Variants in TNRC6B observed in about 807,000 individuals in gnomAD.
TNRC6B encodes trinucleotide repeat containing adaptor 6B.
In TNRC6B, 52 loss-of-function variants were observed where a neutral mutation model predicts 203.6. The ratio of observed to expected loss-of-function variants is 0.26; its 90% CI spans 0.20 to 0.32. The LOEUF is 0.32. TNRC6B is among the 10% of genes least tolerant of loss of function. TNRC6B has a pLI of 1.00. For synonymous variants in TNRC6B, 838 were observed against 845.7 expected, an observed-to-expected ratio of 0.99 and a Z score of 0.16; for missense variants, 1,923 against 2,286.2, an observed-to-expected ratio of 0.84 and a Z score of 3.24.
chr22:40,150,302 C>T (rs1333613966), intron 3 of TNRC6B, among the ~76,000 whole-genome samples: 6 of 152,086 alleles, frequency 3.9e-5, no homozygotes, highest in Admixed American at 1.3e-4. Flanking sequence ...GGCGTGAACC[C>T]GGAAGGCAGA....
intron 1 of TNRC6B, among the ~76,000 whole-genome samples, chr22:40,061,112 A>G (rs983140599): frequency 1.3e-5 from 2 of 152,202 alleles, no homozygotes; most frequent in African/African-American, 4.8e-5. Context: ...GTATAACTGA[A>G]TCCTTTAAAA....
intron 1 of TNRC6B, among the ~76,000 whole-genome samples, chr22:40,243,339 A>G (rs1350408960): frequency 6.6e-6 from 1 of 152,238 alleles, no homozygotes; most frequent in African/African-American, 2.4e-5. Context: ...TTCCTAAGGA[A>G]GTGAAATTTA....
intron 1 of TNRC6B, among the ~76,000 whole-genome samples, chr22:40,244,003 C>T (rs2070068930): frequency 6.6e-6 from 1 of 151,570 alleles, no homozygotes; most frequent in Admixed American, 6.6e-5. Context: ...AGGAAATACT[C>T]AGGCTGTGGT....
At chr22:40,168,324 T>C (rs1387623893) in intron 4 of TNRC6B, among the ~76,000 whole-genome samples, 1 of 152,184 alleles carries the variant, frequency 6.6e-6, no homozygotes, top group Admixed American at 6.5e-5. Flanking sequence ...CTCTGCCCTC[T>C]TAAGGGTCCA....
At chr22:40,232,434 A>G (rs1000545456) in intron 1 of TNRC6B, among the ~76,000 whole-genome samples, 1 of 152,234 alleles carries the variant, frequency 6.6e-6, no homozygotes, top group Non-Finnish European at 1.5e-5. Context: ...AATTTATTCC[A>G]TGTGTTCTGA....
intron 4 of TNRC6B, among the ~76,000 whole-genome samples, chr22:40,166,319 A>G (rs988609962): frequency 7.9e-5 from 12 of 152,234 alleles, no homozygotes; most frequent in African/African-American, 2.9e-4. Context: ...CAACTTAAAA[A>G]AATTAACAAA....
intron 11 of TNRC6B, among the ~76,000 whole-genome samples, chr22:40,283,420 A>G (rs1460259533): frequency 6.6e-6 from 1 of 152,158 alleles, no homozygotes; most frequent in East Asian, 1.9e-4. Flanking sequence ...GCCTCCCAAA[A>G]TGGTAGGATT....
In TNRC6B at chr22:40,266,558, G is replaced by C. The variant is rs777885084; in HGVS notation, c.2328G>C (p.Gly776=). The change falls in exon 5 of 23, where the codon GGG becomes GGC. Residue 776 remains glycine, a synonymous_variant. Coordinates refer to ENST00000454349, the MANE Select transcript of TNRC6B (RefSeq NM_001162501.2). ...SKPVSGWGEG[G]QNEIGTWGNG... is the part of the protein sequence containing the mutation. ...CTGTGTCTGGGTGGGGTGAAGGAGGGCAGAATGAAATCGGGACTTGGGGTA... is the reference window on the plus strand; with the variant it reads ...CTGTGTCTGGGTGGGGTGAAGGAGGCCAGAATGAAATCGGGACTTGGGGTA... 2.5e-6 allele frequency: 4 copies of C among 1,613,576 alleles called. No homozygotes were observed. In the East Asian group the frequency reaches 8.9e-5, roughly 36 times the overall value.
chr22:40,066,081 T>C (rs2067891811), intron 1 of TNRC6B, among the ~76,000 whole-genome samples: 1 of 152,102 alleles, frequency 6.6e-6, no homozygotes, highest in African/African-American at 2.4e-5. Context: ...TCCTTGGCCT[T>C]TTCAGAATCT....
intron 12 of TNRC6B, among the ~76,000 whole-genome samples, chr22:40,300,098 A>C (rs1268383492): frequency 6.6e-6 from 1 of 152,254 alleles, no homozygotes; most frequent in Non-Finnish European, 1.5e-5. Context: ...AGCTTTATGC[A>C]ATGTAGCATG....
chr22:40,270,526 G>C (rs780304912), intron 6 of TNRC6B, among the ~76,000 whole-genome samples: 1 of 151,930 alleles, frequency 6.6e-6, no homozygotes, highest in African/African-American at 2.4e-5. Flanking sequence ...CTCCATGTTG[G>C]TCAGGCTGGT....
chr22:40,312,648 A>G lies in TNRC6B; in HGVS notation c.4579A>G (p.Thr1527Ala), dbSNP rs781125206. 4 of 1,609,196 alleles carry G rather than the reference A, an allele frequency of 2.5e-6. No individual in the cohort carries two copies. The highest frequency in any genetic ancestry group is 3.4e-5 in the Admixed American group (2 of 58,862). The change falls in exon 18 of 23, where the codon ACA becomes GCA. Residue 1527 changes from threonine to alanine, a missense_variant. Thr to Ala is a moderately conservative substitution (Grantham distance 58). Around this residue, in one of 8 missense-constraint regions of TNRC6B, gnomAD observed 159 missense variants for 181.0 expected, o/e 0.88. Coordinates refer to ENST00000454349, the MANE Select transcript of TNRC6B (RefSeq NM_001162501.2). Reference protein sequence around the residue: ...TDHQLLRDNTTGSNSSLNTSL... With the variant: ...TDHQLLRDNTAGSNSSLNTSL... Reference sequence around the variant, plus strand: ...CCACCAACTGCTGCGGGATAACACCACAGGTACTTGAGCAAAGCATCTCTT... The same window carrying G: ...CCACCAACTGCTGCGGGATAACACCGCAGGTACTTGAGCAAAGCATCTCTT...
chr22:40,320,803 C>G (rs753332340), intron 21 of TNRC6B, among the ~76,000 whole-genome samples: 17 of 152,188 alleles, frequency 1.1e-4, no homozygotes, highest in Non-Finnish European at 2.4e-4. Context: ...GTGTCTTTCT[C>G]TTTACAGAGG....
At chr22:40,183,663 A>G (rs868427345) in intron 1 of TNRC6B, among the ~76,000 whole-genome samples, 10 of 151,396 alleles carry the variant, frequency 6.6e-5, no homozygotes, top group South Asian at 4.2e-4. Flanking sequence ...ACACATGTAA[A>G]TTCTGTTTAT....
At chr22:40,246,143 C>A (rs2070103948) in intron 2 of TNRC6B, 41 bp downstream of exon 2, 5 of 1,405,568 alleles carry the variant, frequency 3.6e-6, no homozygotes, top group Non-Finnish European at 3.9e-6. Flanking sequence ...ATCTGCTAGG[C>A]ATCCAGCATC....
At position 40,222,888 on chromosome 22, in the gene TNRC6B, G is replaced by A. The variant is rs550665977; in HGVS notation, c.6-23127G>A. On this transcript the variant is annotated intron_variant, in intron 1 of 22. Coordinates refer to ENST00000454349, the MANE Select transcript of TNRC6B (RefSeq NM_001162501.2). ...AGCCTTGTGAGTAGCTGGGACTACA[G>A]GCGTGCACCACCACTTCCAGCTAAT... 3.3e-5 allele frequency among the ~76,000 whole-genome samples: 5 copies of A among 151,146 alleles called. No homozygotes were observed. In the East Asian group the frequency reaches 9.8e-4, roughly 30 times the overall value.
At chr22:40,170,782 CAT>C (rs1386529452) in intron 4 of TNRC6B, among the ~76,000 whole-genome samples, 13 of 68,880 alleles carry the variant, frequency 1.9e-4, no homozygotes, top group Non-Finnish European at 3.2e-4. Context: ...CATATATGTA[CAT>C]ATATGTGTGT....
intron 21 of TNRC6B, 28 bp downstream of exon 21, chr22:40,316,040 G>A: frequency 6.3e-7 from 1 of 1,594,688 alleles, no homozygotes; most frequent in Non-Finnish European, 8.6e-7. Flanking sequence ...CAGTTTTCTA[G>A]ATAGGACTTG....
At chr22:40,072,494 A>G (rs557920591) in intron 1 of TNRC6B, among the ~76,000 whole-genome samples, 1 of 152,274 alleles carries the variant, frequency 6.6e-6, no homozygotes, top group Admixed American at 6.5e-5. Flanking sequence ...GAAAGTGTAA[A>G]CTTTTGTCTT....
Sources: gnomAD v4.1 joint callset for allele counts (sites outside exome capture counted in the v4.1 genomes callset) on GRCh38, gnomAD v4.1.1 for gene constraint, gnomAD v4.1.1 regional missense constraint, MANE v1.5 for transcripts, NCBI Gene and HGNC (gene_info 2026-07-23, HGNC 2026-07-21) for gene names.